PTH2R: variants seen among roughly 807,000 people sequenced by gnomAD.
PTH2R encodes the protein PTH2 receptor.
PTH2R carries 59 observed loss-of-function variants against 60.3 expected under a neutral mutation model. The observed-to-expected ratio is 0.98, with a 90% CI of 0.79 to 1.22. PTH2R has a LOEUF of 1.22. Among genes scored for constraint, PTH2R ranks in the 50% most tolerant of loss-of-function variants. The pLI is 0.00. For missense variants in PTH2R, 749 were observed against 682.6 expected, an observed-to-expected ratio of 1.10 and a Z score of -1.08; for synonymous variants, 256 against 243.8, an observed-to-expected ratio of 1.05 and a Z score of -0.47.
intron 1 of PTH2R, among the ~76,000 whole-genome samples, chr2:208,419,410 A>G (rs1292277124): frequency 6.6e-6 from 1 of 152,094 alleles, no homozygotes; most frequent in East Asian, 1.9e-4. Flanking sequence ...TTCATTGTAG[A>G]TTCTGGATAT....
At chr2:208,437,677 AAAAC>A in intron 3 of PTH2R, 30 bp downstream of exon 3, 1 of 1,603,946 alleles carries the variant, frequency 6.2e-7, no homozygotes, top group Non-Finnish European at 8.5e-7. Context: ...TGATTAATTT[AAAAC>A]AAACATTTAC....
At chr2:208,420,937 C>T (rs535707931) in intron 1 of PTH2R, among the ~76,000 whole-genome samples, 1 of 152,218 alleles carries the variant, frequency 6.6e-6, no homozygotes, top group African/African-American at 2.4e-5. Flanking sequence ...CCACTTACTT[C>T]TCCCTTCCCT....
At chr2:208,433,947 G>A (rs185253675) in intron 2 of PTH2R, among the ~76,000 whole-genome samples, 1 of 152,270 alleles carries the variant, frequency 6.6e-6, no homozygotes, top group Admixed American at 6.5e-5. Context: ...CAATTAATTA[G>A]GTCCTTGCCA....
At chr2:208,397,333 T>G (rs188028280) in intron 1 of PTH2R, among the ~76,000 whole-genome samples, 1 of 151,824 alleles carries the variant, frequency 6.6e-6, no homozygotes, top group Admixed American at 6.6e-5. Context: ...AAGAGCACCT[T>G]GGAATGACAG....
chr2:208,406,496 G>T (rs1050849131), upstream of PTH2R, among the ~76,000 whole-genome samples: 2 of 152,180 alleles, frequency 1.3e-5, no homozygotes, highest in Non-Finnish European at 2.9e-5. Flanking sequence ...CCTCGGGGCC[G>T]ATGGTCAGCG....
intron 4 of PTH2R, among the ~76,000 whole-genome samples, chr2:208,440,525 C>A (rs1427777357): frequency 6.6e-6 from 1 of 152,068 alleles, no homozygotes; most frequent in Non-Finnish European, 1.5e-5. Context: ...GGCTTAGATG[C>A]AAAATTAATA....
Position 208,411,518 on chromosome 2 carries a change from G to T in PTH2R, c.75+4400G>T, listed in dbSNP as rs1231343781. 2.6e-5 allele frequency among the ~76,000 whole-genome samples: 4 copies of T among 152,146 alleles called. No homozygotes were observed. In the South Asian group the frequency reaches 8.3e-4, roughly 31 times the overall value. Reference sequence around the variant, plus strand: ...GTGAGATGGAAGGGTCCCAGGTGTGGCTCTTCCTTGCCAATGCACAGAGAG... The same window carrying T: ...GTGAGATGGAAGGGTCCCAGGTGTGTCTCTTCCTTGCCAATGCACAGAGAG... On this transcript the variant is annotated intron_variant, in intron 1 of 12. Coordinates refer to ENST00000272847, the MANE Select transcript of PTH2R (RefSeq NM_005048.4).
chr2:208,479,682 C>T (rs556310080), intron 9 of PTH2R, among the ~76,000 whole-genome samples: 9 of 152,268 alleles, frequency 5.9e-5, no homozygotes, highest in African/African-American at 1.2e-4. Flanking sequence ...CCTCAACTCT[C>T]ATGTTTTGCA....
intron 1 of PTH2R, among the ~76,000 whole-genome samples, chr2:208,371,983 G>A (rs928045993): frequency 2.6e-5 from 4 of 152,000 alleles, no homozygotes; most frequent in African/African-American, 9.7e-5. Context: ...GTGCAGTGGC[G>A]TGATATCGGC....
intron 10 of PTH2R, 142 bp from the exon 11 acceptor site, chr2:208,488,868 GAA>G (rs1703332708): frequency 2.4e-6 from 2 of 840,418 alleles, no homozygotes; most frequent in African/African-American, 3.5e-5. Flanking sequence ...CAGATAGAGT[GAA>G]ACCCTGTCTC....
intron 8 of PTH2R, among the ~76,000 whole-genome samples, chr2:208,454,391 G>A (rs964604082): frequency 7.2e-5 from 11 of 152,104 alleles, no homozygotes; most frequent in African/African-American, 2.7e-4. Flanking sequence ...TGAGAGTGGG[G>A]CCCTGTTATG....
chr2:208,368,160 C>T (rs1365522840), intron 1 of PTH2R, among the ~76,000 whole-genome samples: 2 of 152,190 alleles, frequency 1.3e-5, no homozygotes, highest in African/African-American at 4.8e-5. Flanking sequence ...TCTGAGGCAC[C>T]AGCCTCCTTG....
chr2:208,410,655 CAT>C (rs756815678), intron 1 of PTH2R, among the ~76,000 whole-genome samples: 4 of 152,168 alleles, frequency 2.6e-5, no homozygotes, highest in African/African-American at 4.8e-5. Flanking sequence ...AACAGGATAA[CAT>C]GTGACAGAAA....
intron 1 of PTH2R, among the ~76,000 whole-genome samples, chr2:208,390,658 A>C (rs943651803): frequency 6.6e-6 from 1 of 152,240 alleles, no homozygotes; most frequent in African/African-American, 2.4e-5. Flanking sequence ...ATTAAGCAAA[A>C]TGCTACAGTA....
At chr2:208,438,783 G>A (rs1251115747) in intron 4 of PTH2R, among the ~76,000 whole-genome samples, 1 of 152,106 alleles carries the variant, frequency 6.6e-6, no homozygotes, top group Non-Finnish European at 1.5e-5. Flanking sequence ...GGAGGTGGGG[G>A]GAGAACAGCA....
chr2:208,486,611 A>T (rs114576781), intron 10 of PTH2R, among the ~76,000 whole-genome samples: 378 of 152,040 alleles, frequency 2.5e-3, no homozygotes, highest in African/African-American at 8.9e-3. Flanking sequence ...GTGATGTTAG[A>T]CAAGACTTTC....
chr2:208,433,696 A>G (rs866675185), intron 2 of PTH2R, among the ~76,000 whole-genome samples: 5 of 152,238 alleles, frequency 3.3e-5, no homozygotes, highest in African/African-American at 9.6e-5. Flanking sequence ...TTCAGCTCTA[A>G]AACTATTCAA....
intron 1 of PTH2R, among the ~76,000 whole-genome samples, chr2:208,361,978 G>A (rs779497242): frequency 7.2e-5 from 11 of 152,164 alleles, no homozygotes; most frequent in Non-Finnish European, 1.5e-5. Context: ...TGAATTGGCA[G>A]GCTGAATAAT....
chr2:208,418,363 AT>A (rs61195514), intron 1 of PTH2R, among the ~76,000 whole-genome samples: 14,453 of 148,518 alleles, frequency 0.097, 1,725 homozygotes, highest in African/African-American at 0.28. Context: ...TTTGCACTCA[AT>A]TTTTTTTTTT....
Sources: allele counts gnomAD v4.1 joint callset (sites outside exome capture counted in the v4.1 genomes callset), GRCh38; gene constraint gnomAD v4.1.1; transcripts MANE v1.5; gene names NCBI Gene and HGNC (gene_info 2026-07-23, HGNC 2026-07-21).